The following SFT2D1 variants were observed in gnomAD, a reference collection of about 807,000 sequenced individuals.
The protein encoded by SFT2D1 is SFT2 domain containing 1.
In SFT2D1, 24 loss-of-function variants were observed where a neutral mutation model predicts 28.1. That is an observed-to-expected ratio of 0.85 (90% confidence interval 0.62 to 1.20). The LOEUF is 1.20. Among genes scored for constraint, SFT2D1 ranks in the 50% most tolerant of loss-of-function variants. The pLI is 0.00. For missense variants in SFT2D1, 181 were observed against 190.9 expected (o/e 0.95, Z 0.31); for synonymous variants, 82 against 73.7 (o/e 1.11, Z -0.58).
At chr6:166,328,444 C>T (rs909338557) in intron 3 of SFT2D1, 87 bp from the exon 4 acceptor site, 1 of 747,514 alleles carries the variant, frequency 1.3e-6, no homozygotes, top group Admixed American at 3.4e-5. Flanking sequence ...AAAAAAGAAG[C>T]CCTGTTGCTT....
chr6:166,341,671 T>G (rs1778784656), intron 1 of SFT2D1, among the ~76,000 whole-genome samples: 3 of 152,136 alleles, frequency 2.0e-5, no homozygotes, highest in Non-Finnish European at 2.9e-5. Context: ...ACGTCCAACT[T>G]CTGCGACAGC....
chr6:166,321,530 A>G (rs1778358126), intron 7 of SFT2D1, among the ~76,000 whole-genome samples: 1 of 152,206 alleles, frequency 6.6e-6, no homozygotes, highest in Non-Finnish European at 1.5e-5. Flanking sequence ...ACCTGTAGCT[A>G]ACTTTGTTTT....
intron 3 of SFT2D1, among the ~76,000 whole-genome samples, chr6:166,328,702 T>A (rs1248919883): frequency 6.6e-6 from 1 of 152,206 alleles, no homozygotes; most frequent in Non-Finnish European, 1.5e-5. Context: ...GACACAGGGA[T>A]CTTCCCCTTG....
Position 166,320,236 on chromosome 6 carries a change from C to G in SFT2D1, c.461G>C (p.Cys154Ser). Reference sequence around the variant, plus strand: ...TGATTTTCAACTTAGGAGAGAAGAACAGCATTTAATAACTGCATCCCTGGT... The same window carrying G: ...TGATTTTCAACTTAGGAGAGAAGAAGAGCATTTAATAACTGCATCCCTGGT... ...PYARDAVIKCCSSLLS is the reference protein window; with the variant it reads ...PYARDAVIKCSSSLLS The change falls in exon 8 of 8, where the codon TGT (cysteine) becomes TCT (serine). Residue 154 changes from cysteine to serine, a missense_variant. Cys to Ser is a moderately radical substitution (Grantham distance 112). Coordinates refer to ENST00000361731, the MANE Select transcript of SFT2D1 (RefSeq NM_145169.3). 6.2e-7 allele frequency: 1 copy of G among 1,611,630 alleles called. No homozygotes were observed. Among genetic ancestry groups the G allele is most frequent in the East Asian group, 2.2e-5 (1 of 44,712 alleles).
chr6:166,322,884 T>C lies in SFT2D1; in HGVS notation c.413A>G (p.Tyr138Cys), dbSNP rs1243888641. 1 of 1,611,718 alleles carries C rather than the reference T, an allele frequency of 6.2e-7. No homozygotes were observed. Among genetic ancestry groups the C allele is most frequent in the Non-Finnish European group, 8.5e-7 (1 of 1,178,348 alleles). The change falls in exon 7 of 8, where the codon TAT (tyrosine) becomes TGT (cysteine). Residue 138 changes from tyrosine (Y) to cysteine (C), a missense_variant and splice_region_variant. By Grantham distance (194) the Tyr-to-Cys change is radical (BLOSUM62 -2). Coordinates refer to ENST00000361731, the MANE Select transcript of SFT2D1 (RefSeq NM_145169.3). ...TGCATATGGGATGTACGACAGGCTA[T>C]ACCTGCAAGAAATATTCAAGCATGT... ...CILQFLSMTWYSLSYIPYARD... is the reference protein window; with the variant it reads ...CILQFLSMTWCSLSYIPYARD...
At chr6:166,324,842 G>A (rs951053762) in intron 5 of SFT2D1, among the ~76,000 whole-genome samples, 1 of 152,100 alleles carries the variant, frequency 6.6e-6, no homozygotes, top group Non-Finnish European at 1.5e-5. Context: ...AAACGTTACT[G>A]AAACAATTGT....
Position 166,329,499 on chromosome 6 carries a change from A to C in SFT2D1, c.233+8T>G, listed in dbSNP as rs774322950. On this transcript the variant is annotated splice_region_variant and intron_variant, in intron 3 of 7. Transcript: ENST00000361731. ...AGCAAACAAGATATTTTGAGAAGCC[A>C]AACGTACCTGGCTAACGCAGCAAGA... 3.7e-6 allele frequency: 6 copies of C among 1,603,114 alleles called. No individual in the cohort carries two copies. The highest frequency in any genetic ancestry group is 1.7e-5 in the Admixed American group (1 of 58,630).
Position 166,321,432 on chromosome 6 carries a change from C to T in SFT2D1, c.441-1176G>A, listed in dbSNP as rs564278267. ...CATCACGTCTAGAGGTCCTTTCCTCCGCACCAAGAAGTATTGGAGGTCTCC... is the reference window on the plus strand; with the variant it reads ...CATCACGTCTAGAGGTCCTTTCCTCTGCACCAAGAAGTATTGGAGGTCTCC... On this transcript the variant is annotated intron_variant, in intron 7 of 7. Transcript: ENST00000361731. Among the ~76,000 whole-genome samples, 11 of 152,230 alleles carry T rather than the reference C, an allele frequency of 7.2e-5. No individual in the cohort carries two copies. In the East Asian group the frequency reaches 1.7e-3, roughly 24 times the overall value.
Position 166,328,256 on chromosome 6 carries a change from A to G in SFT2D1, c.315+20T>C. On this transcript the variant is annotated intron_variant, in intron 4 of 7. Transcript: ENST00000361731. ...AAAGAATACTTCAATAAAAGTTTTA[A>G]AAATGTATTATTTACTTACAAGCAT... 6.6e-7 allele frequency: 1 copy of G among 1,521,974 alleles called. No individual in the cohort carries two copies. The highest frequency in any genetic ancestry group is 1.2e-5 in the South Asian group (1 of 80,472). The allele number at this position is 1,521,974 out of a possible 1,614,324, so 94.3% of individuals were successfully genotyped here.
chr6:166,331,420 GA>G (rs1778545892), intron 1 of SFT2D1: 1 of 152,624 alleles, frequency 6.6e-6, no homozygotes, highest in Non-Finnish European at 1.5e-5. Context: ...TATGTAGCAT[GA>G]AAAGCAGATA....
At chr6:166,326,214 A>C in intron 4 of SFT2D1, 47 bp from the exon 5 acceptor site, 1 of 1,544,538 alleles carries the variant, frequency 6.5e-7, no homozygotes, top group Non-Finnish European at 8.9e-7. Context: ...TCCTTTCAAA[A>C]GCCTAATAAA....
At chr6:166,329,685 G>A (rs1249559581) in intron 2 of SFT2D1, 96 bp from the exon 3 acceptor site, 3 of 940,932 alleles carry the variant, frequency 3.2e-6, no homozygotes, top group Admixed American at 2.7e-5. Flanking sequence ...CCAATATTAT[G>A]TAATATGTTT....
rs772199367 is a variant in SFT2D1 at position 166,330,226 on chromosome 6, T to TA, written c.84dup (p.Ser29Ter). 1 of 1,604,310 alleles carries TA rather than the reference T, an allele frequency of 6.2e-7. No homozygotes were observed. Among genetic ancestry groups the TA allele is most frequent in the African/African-American group, 1.3e-5 (1 of 74,358 alleles). ...AACCATTTCAATCTGGTGTTGAAAC[T>TA]AAGGGATGAGGCATCCAGGACCTTA... On this transcript the variant is annotated frameshift_variant, in exon 2 of 8. Coordinates refer to ENST00000361731, the MANE Select transcript of SFT2D1 (RefSeq NM_145169.3). LOFTEE classifies it high-confidence loss of function.
At chr6:166,334,242 T>G (rs965957056) in intron 1 of SFT2D1, among the ~76,000 whole-genome samples, 18 of 152,208 alleles carry the variant, frequency 1.2e-4, no homozygotes, top group African/African-American at 3.6e-4. Flanking sequence ...GTGCCTGTTC[T>G]AAGTGCTGGG....
At position 166,324,551 on chromosome 6, in the gene SFT2D1, G is replaced by C. The variant is rs756239938; in HGVS notation, c.396C>G (p.Phe132Leu). ...GAAAGACTTACCAGGTCATTGACAAGAACTGCAATATGCAGAATAACACAG... is the reference window on the plus strand; with the variant it reads ...GAAAGACTTACCAGGTCATTGACAACAACTGCAATATGCAGAATAACACAG... ...GLAVLFCILQFLSMTWYSLSY... is the reference protein window; with the variant it reads ...GLAVLFCILQLLSMTWYSLSY... Residue 132 changes from phenylalanine (F) to leucine (L), a missense_variant, in exon 6 of 8, where the codon TTC becomes TTG. Coordinates refer to ENST00000361731, the MANE Select transcript of SFT2D1 (RefSeq NM_145169.3). The C allele has an allele frequency of 2.5e-6, 4 of 1,612,544 alleles. No individual in the cohort carries two copies. The highest frequency in any genetic ancestry group is 3.4e-6 in the Non-Finnish European group (4 of 1,179,716).
intron 1 of SFT2D1, chr6:166,334,796 G>T: frequency 2.4e-6 from 1 of 411,686 alleles, no homozygotes; most frequent in Non-Finnish European, 4.7e-6. Flanking sequence ...AGGTGGATGC[G>T]CCATGAATGC....
rs764313604 is a variant in SFT2D1 at position 166,326,150 on chromosome 6, G to A, written c.333C>T (p.Thr111=). 9 of 1,613,534 alleles carry A rather than the reference G, an allele frequency of 5.6e-6. No individual in the cohort carries two copies. The highest frequency in any genetic ancestry group is 1.3e-5 in the African/African-American group (1 of 74,968). The stretch of plus-strand genomic sequence containing the variant: ...AACTTACCCAAAGAGCAGCACACAG[G>A]GTAAATATGAAACACAACTACAGGG... ...TIVMLLCFIF[T]LCAALWWHKK... The change falls in exon 5 of 8, where the codon ACC becomes ACT. Residue 111 remains threonine, a synonymous_variant. Transcript: ENST00000361731.
chr6:166,337,189 T>C (rs1448271276), intron 1 of SFT2D1, among the ~76,000 whole-genome samples: 2 of 152,210 alleles, frequency 1.3e-5, no homozygotes, highest in Non-Finnish European at 2.9e-5. Context: ...GTTCCCTTCC[T>C]AGCCCAGTGC....
At chr6:166,336,112 TAA>T (rs1290183835) in intron 1 of SFT2D1, among the ~76,000 whole-genome samples, 1 of 152,256 alleles carries the variant, frequency 6.6e-6, no homozygotes, top group African/African-American at 2.4e-5. Flanking sequence ...ACGTGCTGTG[TAA>T]AGTTAGTCTC....
Sources: allele counts gnomAD v4.1 joint callset (sites outside exome capture counted in the v4.1 genomes callset), GRCh38; gene constraint gnomAD v4.1.1; transcripts MANE v1.5; gene names NCBI Gene and HGNC (gene_info 2026-07-23, HGNC 2026-07-21).